Variants in STX18 observed in about 807,000 individuals in gnomAD.
The protein encoded by STX18 is syntaxin 18.
STX18 carries 40 observed loss-of-function variants against 50.1 expected under a neutral mutation model. That is an observed-to-expected ratio of 0.80 (90% CI 0.62 to 1.04). The LOEUF (loss-of-function observed/expected upper bound fraction) is 1.04. STX18 is among the 50% of genes least tolerant of loss of function. The pLI is 0.00. For missense variants in STX18, 410 were observed against 415.8 expected, an observed-to-expected ratio of 0.99 and a Z score of 0.12; for synonymous variants, 158 against 151.8, an observed-to-expected ratio of 1.04 and a Z score of -0.30.
At chr4:4,505,079 T>C (rs1186459107) in intron 1 of STX18, among the ~76,000 whole-genome samples, 3 of 152,146 alleles carry the variant, frequency 2.0e-5, no homozygotes, top group Admixed American at 6.5e-5. Context: ...CACTCCCCAT[T>C]TCCCCCAACA....
At chr4:4,531,410 A>C (rs1731091829) in intron 1 of STX18, among the ~76,000 whole-genome samples, 1 of 152,106 alleles carries the variant, frequency 6.6e-6, no homozygotes, top group African/African-American at 2.4e-5. Flanking sequence ...TTTCTTTTTA[A>C]GGTTATTACT....
intron 5 of STX18, 79 bp from the exon 6 acceptor site, chr4:4,438,588 G>T: frequency 1.7e-6 from 2 of 1,187,360 alleles, no homozygotes; most frequent in Non-Finnish European, 2.4e-6. Flanking sequence ...AGTCACATGT[G>T]ACCCTGCGCT....
At chr4:4,535,752 TACTTCTGTATGGTTTGGCC>T (rs1731303102) in intron 1 of STX18, among the ~76,000 whole-genome samples, 1 of 152,240 alleles carries the variant, frequency 6.6e-6, no homozygotes, top group African/African-American at 2.4e-5. Context: ...TTCCCAATCC[TACTTCTGTATGGTTTGGCC>T]CTATCTCCTG....
intron 1 of STX18, among the ~76,000 whole-genome samples, chr4:4,486,601 T>C (rs182887531): frequency 3.9e-5 from 6 of 152,302 alleles, no homozygotes; most frequent in African/African-American, 1.4e-4. Flanking sequence ...ATTCCTCTTT[T>C]ACAGAGAAGA....
intron 1 of STX18, among the ~76,000 whole-genome samples, chr4:4,501,679 G>C (rs1378404350): frequency 6.6e-6 from 1 of 152,182 alleles, no homozygotes; most frequent in African/African-American, 2.4e-5. Flanking sequence ...TTCACTTAAA[G>C]CTGTTCAGCT....
intron 1 of STX18, among the ~76,000 whole-genome samples, chr4:4,509,174 A>T (rs138694724): frequency 6.6e-6 from 1 of 152,192 alleles, no homozygotes; most frequent in Admixed American, 6.5e-5. Flanking sequence ...TTACACTCCC[A>T]CCAACACTGT....
chr4:4,517,507 A>G (rs531281134), intron 1 of STX18, among the ~76,000 whole-genome samples: 53 of 152,370 alleles, frequency 3.5e-4, no homozygotes, highest in Non-Finnish European at 2.9e-5. Context: ...ACATGTATGT[A>G]GAAAGCTTTA....
intron 1 of STX18, among the ~76,000 whole-genome samples, chr4:4,482,240 C>T (rs1301922979): frequency 6.6e-6 from 1 of 152,206 alleles, no homozygotes; most frequent in Non-Finnish European, 1.5e-5. Flanking sequence ...CATTCCAATC[C>T]ATAGCTTTAT....
rs775332049 is a variant in STX18 at position 4,425,220 on chromosome 4, A to G, written c.705T>C (p.Phe235=). The part of the protein sequence containing the change: ...DELSPEEIQM[F]EQENQRLIGE... ...CAATTAGTCGCTGATTTTCCTGTTC[A>G]AACTGTGAGGAAACAGACACACTCA... Residue 235 remains phenylalanine (F), a splice_region_variant and synonymous_variant, in exon 8 of 11, where the codon TTT becomes TTC. Transcript: ENST00000306200. The G allele has an allele frequency of 1.2e-6, 2 of 1,614,020 alleles. No homozygotes were observed. Among genetic ancestry groups the G allele is most frequent in the Non-Finnish European group, 1.7e-6 (2 of 1,179,864 alleles).
Position 4,471,637 on chromosome 4 carries a change from A to C in STX18, c.236+2T>G. 6.4e-7 allele frequency: 1 copy of C among 1,555,660 alleles called. No individual in the cohort carries two copies. On this transcript the variant is annotated splice_donor_variant, in intron 2 of 10. Coordinates refer to ENST00000306200, the MANE Select transcript of STX18 (RefSeq NM_016930.4). LOFTEE classifies it high-confidence loss of function. ...AGTCCTGGTAAAAAAATATGTACTT[A>C]CCTATAAGCATTAATATAATCTTTC...
intron 1 of STX18, among the ~76,000 whole-genome samples, chr4:4,475,869 C>A (rs572766399): frequency 1.3e-5 from 2 of 152,210 alleles, no homozygotes; most frequent in African/African-American, 4.8e-5. Context: ...GATCCTCCCC[C>A]CTTGGCCTCC....
At chr4:4,503,999 A>T (rs1729579662) in intron 1 of STX18, among the ~76,000 whole-genome samples, 1 of 152,216 alleles carries the variant, frequency 6.6e-6, no homozygotes, top group African/African-American at 2.4e-5. Flanking sequence ...TTTTTTCAAA[A>T]TTCTTTTAGG....
At chr4:4,481,633 A>T (rs1455401103) in intron 1 of STX18, 1 of 152,232 alleles carries the variant, frequency 6.6e-6, no homozygotes, top group Non-Finnish European at 1.5e-5. Flanking sequence ...CCACTGACTA[A>T]ATTCCGAGTC....
chr4:4,481,185 G>A (rs937231215), intron 1 of STX18, among the ~76,000 whole-genome samples: 9 of 152,172 alleles, frequency 5.9e-5, no homozygotes, highest in African/African-American at 1.9e-4. Flanking sequence ...CTCAAAGAGC[G>A]ACCGCATTCT....
intron 5 of STX18, among the ~76,000 whole-genome samples, chr4:4,455,835 T>C (rs1204991502): frequency 6.6e-6 from 1 of 152,210 alleles, no homozygotes; most frequent in Admixed American, 6.5e-5. Flanking sequence ...CTCTGGACTT[T>C]TGTCCCACAT....
chr4:4,524,930 G>A (rs1003657088), intron 1 of STX18, among the ~76,000 whole-genome samples: 3 of 152,022 alleles, frequency 2.0e-5, no homozygotes, highest in Non-Finnish European at 2.9e-5. Context: ...AGAGTGGACC[G>A]CAAATTAAAT....
intron 1 of STX18, among the ~76,000 whole-genome samples, chr4:4,474,192 C>T (rs1255587074): frequency 6.6e-6 from 1 of 152,160 alleles, no homozygotes; most frequent in Non-Finnish European, 1.5e-5. Context: ...GATCCCATTC[C>T]CGCACAAAAC....
chr4:4,459,050 A>ATACACACACACG (rs1727232086), intron 3 of STX18, among the ~76,000 whole-genome samples: 1 of 131,048 alleles, frequency 7.6e-6, no homozygotes, highest in Non-Finnish European at 1.6e-5. Flanking sequence ...GCCACACAGA[A>ATACACACACACG]CACACACACA....
intron 1 of STX18, among the ~76,000 whole-genome samples, chr4:4,528,104 C>T (rs1730886196): frequency 6.6e-6 from 1 of 152,066 alleles, no homozygotes; most frequent in Non-Finnish European, 1.5e-5. Flanking sequence ...AGACACCTAA[C>T]CTGAGTCATG....
Sources: allele counts gnomAD v4.1 joint callset (sites outside exome capture counted in the v4.1 genomes callset), GRCh38; gene constraint gnomAD v4.1.1; transcripts MANE v1.5; gene names NCBI Gene and HGNC (gene_info 2026-07-23, HGNC 2026-07-21).